The following DPP10 variants were observed in gnomAD, a reference collection of about 807,000 sequenced individuals.
DPP10 encodes the protein dipeptidyl peptidase like 10, also known as inactive dipeptidyl peptidase 10.
Under a neutral mutation model 120.9 loss-of-function variants are expected in DPP10, and 33 were observed. That is an observed-to-expected ratio of 0.27 (90% CI 0.21 to 0.37). The LOEUF (loss-of-function observed/expected upper bound fraction) is 0.37. Among genes scored for constraint, DPP10 ranks in the 10% least tolerant of loss-of-function variants. DPP10 has a pLI of 1.00. For synonymous variants in DPP10, 337 were observed against 326.1 expected (o/e 1.03, Z -0.36); for missense variants, 816 against 942.8 (o/e 0.87, Z 1.76).
chr2:114,861,554 A>C (rs530168894), intron 1 of DPP10, among the ~76,000 whole-genome samples: 1 of 152,222 alleles, frequency 6.6e-6, no homozygotes, highest in South Asian at 2.1e-4. Flanking sequence ...TACTCAGTGC[A>C]TGAGTTTAAA....
intron 1 of DPP10, among the ~76,000 whole-genome samples, chr2:115,202,813 G>T: frequency 6.6e-6 from 1 of 152,256 alleles, no homozygotes; most frequent in Non-Finnish European, 1.5e-5. Flanking sequence ...AAATTAAGTT[G>T]AAGTAGCCAC....
chr2:114,570,547 C>T (rs1040923135), intron 1 of DPP10, among the ~76,000 whole-genome samples: 15 of 151,808 alleles, frequency 9.9e-5, no homozygotes, highest in Admixed American at 2.6e-4. Context: ...TGAAGGTGGC[C>T]GGGCATGGTG....
At chr2:115,118,371 C>T (rs770954777) in intron 1 of DPP10, among the ~76,000 whole-genome samples, 1 of 152,188 alleles carries the variant, frequency 6.6e-6, no homozygotes, top group Non-Finnish European at 1.5e-5. Context: ...GCTTTCAAGT[C>T]AGACTGCTCA....
chr2:114,535,092 C>CAAA (rs5833550), intron 1 of DPP10, among the ~76,000 whole-genome samples: 29,970 of 151,086 alleles, frequency 0.2, 3,328 homozygotes, highest in East Asian at 0.26. Flanking sequence ...TTTGTTTCTA[C>CAAA]AAAAAAAAAC....
chr2:115,335,791 T>G (rs2063093590), intron 2 of DPP10, among the ~76,000 whole-genome samples: 1 of 151,998 alleles, frequency 6.6e-6, no homozygotes, highest in Non-Finnish European at 1.5e-5. Context: ...CTATCCCATA[T>G]GACACTAACC....
chr2:115,789,778 C>T (rs1350607796), intron 17 of DPP10, among the ~76,000 whole-genome samples: 2 of 152,082 alleles, frequency 1.3e-5, no homozygotes, highest in Non-Finnish European at 2.9e-5. Flanking sequence ...CATCTGTAGG[C>T]CAATACACAA....
rs183772106 is a variant in DPP10 at position 115,154,466 on chromosome 2, A to G, written c.61-154773A>G. Among the ~76,000 whole-genome samples the G allele has an allele frequency of 3.9e-5, 6 of 152,296 alleles. No homozygotes were observed. The South Asian group carries it at 1.2e-3, about 32-fold the overall frequency. ...TCAGATGCTGATATGATGAATCTTGATAAGATGAATCTTGATATTCAGAGG... is the reference window on the plus strand; with the variant it reads ...TCAGATGCTGATATGATGAATCTTGGTAAGATGAATCTTGATATTCAGAGG... On this transcript the variant is annotated intron_variant, in intron 1 of 25. Transcript: ENST00000410059.
intron 1 of DPP10, among the ~76,000 whole-genome samples, chr2:115,299,992 A>C (rs2061053079): frequency 6.6e-6 from 1 of 152,046 alleles, no homozygotes; most frequent in South Asian, 2.1e-4. Context: ...TGGTCCTATA[A>C]ATTCTCTAAT....
chr2:115,472,122 C>G (rs1196001963), intron 3 of DPP10, among the ~76,000 whole-genome samples: 1 of 152,106 alleles, frequency 6.6e-6, no homozygotes, highest in African/African-American at 2.4e-5. Flanking sequence ...TGCCTGCATG[C>G]TCTGTGCTTA....
intron 12 of DPP10, among the ~76,000 whole-genome samples, chr2:115,767,461 C>A (rs1471842455): frequency 8.1e-6 from 1 of 123,580 alleles, no homozygotes; most frequent in Non-Finnish European, 1.7e-5. Context: ...CTCTCTCTCT[C>A]TACATACATA....
At chr2:115,288,731 AAAAGAAAAG>A (rs1281791934) in intron 1 of DPP10, among the ~76,000 whole-genome samples, 3 of 152,038 alleles carry the variant, frequency 2.0e-5, no homozygotes, top group East Asian at 3.9e-4. Flanking sequence ...AAACAAAAAG[AAAAGAAAAG>A]AAAGAAAAGA....
At chr2:115,032,982 CA>C in intron 1 of DPP10, among the ~76,000 whole-genome samples, 1 of 152,026 alleles carries the variant, frequency 6.6e-6, no homozygotes, top group Non-Finnish European at 1.5e-5. Context: ...CTGTTTTAAT[CA>C]TAAGAATTAG....
chr2:115,041,712 T>C (rs1186408475), intron 1 of DPP10, among the ~76,000 whole-genome samples: 1 of 152,224 alleles, frequency 6.6e-6, no homozygotes, highest in Non-Finnish European at 1.5e-5. Flanking sequence ...CCTTGCTGCC[T>C]CAAGAATTTT....
intron 1 of DPP10, among the ~76,000 whole-genome samples, chr2:114,502,817 C>T (rs980477881): frequency 3.3e-5 from 5 of 152,172 alleles, no homozygotes; most frequent in African/African-American, 4.8e-5. Context: ...CATACTTTCA[C>T]ATGAATTTTT....
intron 1 of DPP10, among the ~76,000 whole-genome samples, chr2:114,757,031 TAGGA>T (rs747082571): frequency 1.1e-3 from 159 of 144,422 alleles, no homozygotes; most frequent in African/African-American, 3.3e-3. Flanking sequence ...GTCTTGAATA[TAGGA>T]AGGAAGGAAG....
At chr2:115,169,064 T>C (rs535297943) in intron 1 of DPP10, among the ~76,000 whole-genome samples, 7 of 152,336 alleles carry the variant, frequency 4.6e-5, no homozygotes, top group African/African-American at 1.7e-4. Flanking sequence ...AATTGCCAAA[T>C]GATTTTCAAA....
chr2:114,566,817 C>G (rs1388876659), intron 1 of DPP10, among the ~76,000 whole-genome samples: 3 of 152,184 alleles, frequency 2.0e-5, no homozygotes, highest in African/African-American at 2.4e-5. Context: ...AAGTTTTCCT[C>G]TGGAGCTGAG....
intron 1 of DPP10, among the ~76,000 whole-genome samples, chr2:115,282,183 A>T (rs1246703531): frequency 6.6e-6 from 1 of 152,110 alleles, no homozygotes; most frequent in Non-Finnish European, 1.5e-5. Flanking sequence ...TATTCTTTAA[A>T]TAACAGAATT....
chr2:115,791,484 G>C, intron 19 of DPP10, 128 bp downstream of exon 19: 2 of 807,880 alleles, frequency 2.5e-6, no homozygotes, highest in South Asian at 4.3e-5. Context: ...ACAGCTGTCT[G>C]TTGTCTAAAT....
Sources: gnomAD v4.1 joint callset for allele counts (sites outside exome capture counted in the v4.1 genomes callset) on GRCh38, gnomAD v4.1.1 for gene constraint, MANE v1.5 for transcripts, NCBI Gene and HGNC (gene_info 2026-07-23, HGNC 2026-07-21) for gene names.